Variants in CFAP20DC observed in about 807,000 individuals in gnomAD.
CFAP20DC encodes protein CFAP20DC.
In CFAP20DC, 84 loss-of-function variants were observed where a neutral mutation model predicts 101.7. The observed-to-expected ratio is 0.83, with a 90% CI of 0.69 to 0.99. The LOEUF (loss-of-function observed/expected upper bound fraction) is 0.99, where lower values mean the gene tolerates loss of function less well. Ranked by LOEUF, CFAP20DC falls within the 50% of genes least tolerant of loss-of-function variation. The pLI is 0.00. For missense variants in CFAP20DC, 1,007 were observed against 970.3 expected, an observed-to-expected ratio of 1.04 and a Z score of -0.50; for synonymous variants, 359 against 351.2, an observed-to-expected ratio of 1.02 and a Z score of -0.25.
intron 14 of CFAP20DC, among the ~76,000 whole-genome samples, chr3:58,828,656 G>A (rs1013021792): frequency 6.6e-6 from 1 of 152,128 alleles, no homozygotes; most frequent in African/African-American, 2.4e-5. Flanking sequence ...AAAGGAGAGA[G>A]GGAGGAAGGG....
intron 15 of CFAP20DC, among the ~76,000 whole-genome samples, chr3:58,785,939 C>A (rs1281664783): frequency 2.0e-5 from 3 of 152,096 alleles, no homozygotes; most frequent in African/African-American, 4.8e-5. Flanking sequence ...TTGGTTTCCT[C>A]CCATATATTT....
At chr3:59,047,824 G>A (rs1699985577) in intron 1 of CFAP20DC, among the ~76,000 whole-genome samples, 2 of 152,146 alleles carry the variant, frequency 1.3e-5, no homozygotes, top group African/African-American at 4.8e-5. Flanking sequence ...TCAGCTCACA[G>A]CAGGGGCTCA....
intron 14 of CFAP20DC, chr3:58,824,459 C>G (rs1424673591): frequency 6.6e-6 from 1 of 152,068 alleles, no homozygotes; most frequent in Non-Finnish European, 1.5e-5. Context: ...TTAACTACCA[C>G]GGAGCACAAG....
chr3:58,956,280 C>T (rs899418310), intron 4 of CFAP20DC, among the ~76,000 whole-genome samples: 1 of 151,904 alleles, frequency 6.6e-6, no homozygotes, highest in Non-Finnish European at 1.5e-5. Flanking sequence ...TGAATCTTCC[C>T]TAGGCCAGAG....
chr3:58,817,732 G>A (rs1194700438), intron 14 of CFAP20DC, among the ~76,000 whole-genome samples: 2 of 151,626 alleles, frequency 1.3e-5, no homozygotes, highest in Non-Finnish European at 2.9e-5. Flanking sequence ...TATTATCCAG[G>A]AGAACTTCCC....
At position 58,869,374 on chromosome 3, in the gene CFAP20DC, T is replaced by G. The variant is rs1174025758; in HGVS notation, c.969A>C (p.Gly323=). 6.2e-7 allele frequency: 1 copy of G among 1,613,848 alleles called. No individual in the cohort carries two copies. Among genetic ancestry groups the G allele is most frequent in the East Asian group, 2.2e-5 (1 of 44,836 alleles). ...TTATTTGGTGAATATTTTCTTTATTTCCTTGTTCCTCAGACTCAGGTATCA... is the reference window on the plus strand; with the variant it reads ...TTATTTGGTGAATATTTTCTTTATTGCCTTGTTCCTCAGACTCAGGTATCA... The part of the protein sequence containing the change: ...ALLIPESEEQ[G]NKENIHQIKQ... Residue 323 remains glycine, a synonymous_variant, in exon 9 of 17, where the codon GGA becomes GGC. Transcript: ENST00000482387. The surrounding 1 kb of genome is among the most constrained non-coding windows in gnomAD (Gnocchi z 4.3).
At chr3:58,946,455 AG>A (rs1411488519) in intron 4 of CFAP20DC, among the ~76,000 whole-genome samples, 1 of 152,192 alleles carries the variant, frequency 6.6e-6, no homozygotes. Context: ...CATGTGGACC[AG>A]CCATGGAGAC....
intron 16 of CFAP20DC, among the ~76,000 whole-genome samples, chr3:58,748,957 G>T (rs2068384413): frequency 6.6e-6 from 1 of 152,152 alleles, no homozygotes; most frequent in Non-Finnish European, 1.5e-5. Context: ...AAGCAGTGTT[G>T]GGAGGAGGTA....
chr3:58,831,895 C>A lies in CFAP20DC; in HGVS notation c.1972-6G>T, dbSNP rs1553686238. ...TAGTTTCGCCAGTCATATTCCTGAC[C>A]AAGAGAGAGGAAAATAACAAAGGGT... is the stretch of plus-strand genomic sequence containing the variant. On this transcript the variant is annotated splice_region_variant and splice_polypyrimidine_tract_variant and intron_variant, in intron 13 of 16. Transcript: ENST00000482387. 3 of 1,612,638 alleles carry A rather than the reference C, an allele frequency of 1.9e-6. No homozygotes were observed. The East Asian group carries it at 6.7e-5, about 36-fold the overall frequency.
At chr3:58,827,019 T>C (rs1178058011) in intron 14 of CFAP20DC, among the ~76,000 whole-genome samples, 2 of 152,186 alleles carry the variant, frequency 1.3e-5, no homozygotes, top group Non-Finnish European at 2.9e-5. Context: ...GAAACTACTC[T>C]GTATGATACT....
intron 7 of CFAP20DC, among the ~76,000 whole-genome samples, chr3:58,880,208 CCT>C (rs1211438935): frequency 6.6e-6 from 1 of 152,002 alleles, no homozygotes; most frequent in Non-Finnish European, 1.5e-5. Flanking sequence ...TCTACTAGTC[CCT>C]GTTTTCAAAG....
At chr3:58,918,708 A>AG (rs912339986) in intron 5 of CFAP20DC, among the ~76,000 whole-genome samples, 3 of 151,958 alleles carry the variant, frequency 2.0e-5, no homozygotes, top group Admixed American at 1.3e-4. Flanking sequence ...TATTCTTCCC[A>AG]GGGATGCAAG....
intron 15 of CFAP20DC, among the ~76,000 whole-genome samples, chr3:58,806,148 G>C (rs1164708718): frequency 6.6e-6 from 1 of 152,168 alleles, no homozygotes; most frequent in Non-Finnish European, 1.5e-5. Context: ...TCTTATGCCT[G>C]AATTACATGG....
At chr3:58,805,763 G>A (rs2074009465) in intron 15 of CFAP20DC, among the ~76,000 whole-genome samples, 1 of 152,178 alleles carries the variant, frequency 6.6e-6, no homozygotes, top group South Asian at 2.1e-4. Context: ...AATACAGCAT[G>A]TATTTCAAAA....
intron 4 of CFAP20DC, among the ~76,000 whole-genome samples, chr3:58,996,026 T>TATC (rs1559962366): frequency 7.6e-5 from 7 of 92,190 alleles, no homozygotes; most frequent in African/African-American, 4.4e-5. Flanking sequence ...ATCTATCTAT[T>TATC]GTTTCTGTTG....
In CFAP20DC at chr3:59,014,028, A is replaced by T. The variant is rs897764278; in HGVS notation, c.278+25529T>A. Among the ~76,000 whole-genome samples, 6 of 152,306 alleles carry T rather than the reference A, an allele frequency of 3.9e-5. No homozygotes were observed. The highest frequency in any genetic ancestry group is 4.1e-4 in the South Asian group (2 of 4,820). On this transcript the variant is annotated intron_variant, in intron 4 of 16. Transcript: ENST00000482387. The surrounding 1 kb of genome is among the most constrained non-coding windows in gnomAD (Gnocchi z 4.9). ...ACTTCTTGCCACTAAACAACATATC[A>T]GCTTGCTTTTCTACTGAAATTGCAT...
chr3:58,938,217 C>A (rs1479281696), intron 4 of CFAP20DC, among the ~76,000 whole-genome samples: 1 of 152,182 alleles, frequency 6.6e-6, no homozygotes, highest in Non-Finnish European at 1.5e-5. Context: ...TAGAGACAGA[C>A]ACAAAACCCT....
rs541976497 is a variant in CFAP20DC at position 59,033,077 on chromosome 3, G to A, written c.278+6480C>T. ...CAAACAGGGTCTGAAGTGGACCACTGCAAACTCCAGCAGACCTGCAGCAGA... is the reference window on the plus strand; with the variant it reads ...CAAACAGGGTCTGAAGTGGACCACTACAAACTCCAGCAGACCTGCAGCAGA... On this transcript the variant is annotated intron_variant, in intron 4 of 16. Coordinates refer to ENST00000482387, the MANE Select transcript of CFAP20DC (RefSeq NM_001394063.1). 7.9e-5 allele frequency among the ~76,000 whole-genome samples: 12 copies of A among 152,228 alleles called. 1 individual carries two copies. In the South Asian group the frequency reaches 2.5e-3, roughly 32 times the overall value.
intron 4 of CFAP20DC, among the ~76,000 whole-genome samples, chr3:58,960,702 G>A (rs957732017): frequency 6.6e-6 from 1 of 151,906 alleles, no homozygotes; most frequent in African/African-American, 2.4e-5. Context: ...GATTTCCTAT[G>A]GACACATGTT....
Sources: allele counts gnomAD v4.1 joint callset (sites outside exome capture counted in the v4.1 genomes callset), GRCh38; gene constraint gnomAD v4.1.1; non-coding constraint Gnocchi (gnomAD v3.1); transcripts MANE v1.5; gene names NCBI Gene and HGNC (gene_info 2026-07-23, HGNC 2026-07-21).